The following EGFL6 variants were observed in gnomAD, a reference collection of about 807,000 sequenced individuals.
The protein encoded by EGFL6 is EGF like domain multiple 6, also known as epidermal growth factor-like protein 6.
A neutral mutation model predicts 43.1 loss-of-function variants in EGFL6; 42 were observed. The observed-to-expected ratio is 0.98, with a 90% CI of 0.76 to 1.26. The LOEUF (loss-of-function observed/expected upper bound fraction) is 1.26, where lower values mean the gene tolerates loss of function less well. EGFL6 is among the 50% of genes most tolerant of loss of function. The probability of loss-of-function intolerance (pLI) is 0.00; values close to 1 mark genes in which losing one functional copy is unlikely to be tolerated. For synonymous variants in EGFL6, 164 were observed against 163.2 expected (o/e 1.01, Z -0.04); for missense variants, 429 against 427.8 (o/e 1.00, Z -0.02).
chrX:13,574,837 A>G (rs1483189800), intron 1 of EGFL6: 1 of 123,702 alleles, frequency 8.1e-6, no homozygotes, highest in Non-Finnish European at 1.7e-5. Context: ...ATGATCAGAC[A>G]AGGCAAAGTG....
At chrX:13,570,278 T>C (rs1172839428) in intron 1 of EGFL6, among the ~76,000 whole-genome samples, 1 of 110,577 alleles carries the variant, frequency 9.0e-6, no homozygotes, top group East Asian at 2.8e-4. Context: ...GGCAGGTGTG[T>C]GAGGGTTGGT....
chrX:13,570,388 A>G (rs2045434296), intron 1 of EGFL6, among the ~76,000 whole-genome samples: 2 of 111,467 alleles, frequency 1.8e-5, no homozygotes, highest in South Asian at 7.7e-4. Context: ...TTGCTGGGGA[A>G]GGAGGGAAAG....
rs2045429987 is a variant in EGFL6 at position 13,569,851 on chromosome X, C to A, written c.-11C>A. The A allele has an allele frequency of 1.7e-6, 2 of 1,209,928 alleles. No individual in the cohort carries two copies. The highest frequency in any genetic ancestry group is 2.3e-4 in the Middle Eastern group (1 of 4,299). On this transcript the variant is annotated 5_prime_UTR_variant, in exon 1 of 12. Transcript: ENST00000361306. Reference sequence around the variant, plus strand: ...GGGGGCTCAGGAGGAGGAAGGAGGACCCGTGCGAGAATGCCTCTGCCCTGG... The same window carrying A: ...GGGGGCTCAGGAGGAGGAAGGAGGAACCGTGCGAGAATGCCTCTGCCCTGG...
chrX:13,630,376 G>T (rs886409744), intron 11 of EGFL6, among the ~76,000 whole-genome samples: 3 of 111,628 alleles, frequency 2.7e-5, no homozygotes, highest in African/African-American at 9.8e-5. Context: ...TAGTTATCCA[G>T]TGGTTATCAG....
chrX:13,598,960 T>TA (rs2045617520), intron 3 of EGFL6, among the ~76,000 whole-genome samples: 3 of 104,495 alleles, frequency 2.9e-5, no homozygotes, highest in Non-Finnish European at 5.8e-5. Flanking sequence ...ATATATATAT[T>TA]TTTTTAAATC....
chrX:13,621,537 G>C (rs1024306083), intron 9 of EGFL6, among the ~76,000 whole-genome samples: 1 of 111,936 alleles, frequency 8.9e-6, no homozygotes, highest in Non-Finnish European at 1.9e-5. Context: ...ACTGACTTTA[G>C]TCCACATTCA....
intron 1 of EGFL6, among the ~76,000 whole-genome samples, chrX:13,588,505 C>T (rs963650145): frequency 9.0e-6 from 1 of 111,616 alleles, no homozygotes; most frequent in Admixed American, 9.5e-5. Flanking sequence ...AGTCTGGTAG[C>T]AACCCTGTCC....
intron 1 of EGFL6, among the ~76,000 whole-genome samples, chrX:13,577,341 T>TATAC (rs1345271588): frequency 7.5e-4 from 9 of 12,014 alleles, no homozygotes; most frequent in African/African-American, 2.3e-3. Context: ...TATATATATA[T>TATAC]ACATACACAC....
At chrX:13,582,833 T>C (rs1015743244) in intron 1 of EGFL6, among the ~76,000 whole-genome samples, 1 of 111,739 alleles carries the variant, frequency 8.9e-6, no homozygotes, top group African/African-American at 3.3e-5. Context: ...CTGGTACATA[T>C]GAAGTAGGTT....
chrX:13,620,978 T>C (rs1447758047), intron 9 of EGFL6, among the ~76,000 whole-genome samples: 2 of 112,299 alleles, frequency 1.8e-5, no homozygotes, highest in African/African-American at 3.2e-5. Flanking sequence ...AATCAGAAGA[T>C]TCAGATGCAT....
In EGFL6 at chrX:13,587,429, A is replaced by C. The variant is rs1174863254; in HGVS notation, c.75-2127A>C. 2.7e-5 allele frequency among the ~76,000 whole-genome samples: 3 copies of C among 111,383 alleles called. No homozygotes were observed. In the Admixed American group the frequency reaches 2.9e-4, roughly 11 times the overall value. Reference sequence around the variant, plus strand: ...ATAGACTATATCATGATCCAGTTGTACTTGGGGTACCCATCAAATACTCAA... The same window carrying C: ...ATAGACTATATCATGATCCAGTTGTCCTTGGGGTACCCATCAAATACTCAA... On this transcript the variant is annotated intron_variant, in intron 1 of 11. Coordinates refer to ENST00000361306, the MANE Select transcript of EGFL6 (RefSeq NM_015507.4).
chrX:13,578,543 T>A (rs2045486983), intron 1 of EGFL6, among the ~76,000 whole-genome samples: 1 of 108,541 alleles, frequency 9.2e-6, no homozygotes, highest in Non-Finnish European at 1.9e-5. Flanking sequence ...TGTCCAACAA[T>A]GATAGACTGG....
chrX:13,580,606 C>T (rs569673288), intron 1 of EGFL6, among the ~76,000 whole-genome samples: 4 of 111,506 alleles, frequency 3.6e-5, no homozygotes, highest in South Asian at 3.8e-4. Context: ...CCTTCTATCC[C>T]CACTCTCTGC....
At chrX:13,590,046 C>A (rs1238418943) in intron 2 of EGFL6, among the ~76,000 whole-genome samples, 2 of 112,613 alleles carry the variant, frequency 1.8e-5, no homozygotes, top group African/African-American at 6.5e-5. Context: ...AATTATTAAT[C>A]ACCCAACCAG....
intron 4 of EGFL6, 136 bp downstream of exon 4, chrX:13,600,230 C>T: frequency 2.0e-6 from 1 of 499,930 alleles, no homozygotes; most frequent in East Asian, 4.6e-5. Context: ...TGTTTTGTGG[C>T]ACTTGTTTCT....
chrX:13,571,310 A>T (rs748511051), intron 1 of EGFL6, among the ~76,000 whole-genome samples: 3 of 110,924 alleles, frequency 2.7e-5, no homozygotes, highest in Middle Eastern at 4.6e-3. Flanking sequence ...TGTTTGACTT[A>T]CAGGAAAAAA....
intron 3 of EGFL6, among the ~76,000 whole-genome samples, 161 bp from the exon 4 acceptor site, chrX:13,599,814 A>G (rs1232331680): frequency 9.0e-6 from 1 of 111,158 alleles, no homozygotes; most frequent in African/African-American, 3.3e-5. Context: ...ATTGTCACCA[A>G]TCCTTTAAAA....
At chrX:13,627,652 ATT>A (rs2045788965) in intron 11 of EGFL6, among the ~76,000 whole-genome samples, 1 of 112,063 alleles carries the variant, frequency 8.9e-6, no homozygotes, top group Non-Finnish European at 1.9e-5. Flanking sequence ...TCTTTTAAAT[ATT>A]TTTTTAAACG....
intron 7 of EGFL6, among the ~76,000 whole-genome samples, chrX:13,614,849 G>A (rs1428955228): frequency 9.1e-6 from 1 of 109,759 alleles, no homozygotes; most frequent in Non-Finnish European, 1.9e-5. Context: ...CTGGGTTCAA[G>A]CAATTCTCCT....
Sources: gnomAD v4.1 joint callset for allele counts (sites outside exome capture counted in the v4.1 genomes callset) on GRCh38, gnomAD v4.1.1 for gene constraint, MANE v1.5 for transcripts, NCBI Gene and HGNC (gene_info 2026-07-23, HGNC 2026-07-21) for gene names.